MGST3: variants seen among roughly 807,000 people sequenced by gnomAD.
The protein encoded by MGST3 is glutathione S-transferase 3, mitochondrial.
A neutral mutation model predicts 15.8 loss-of-function variants in MGST3; 13 were observed. The observed-to-expected ratio is 0.82, with a 90% CI of 0.54 to 1.31. MGST3 has a LOEUF of 1.31. Among genes scored for constraint, MGST3 ranks in the 50% most tolerant of loss-of-function variants. The probability of loss-of-function intolerance (pLI) is 0.00; values close to 1 mark genes in which losing one functional copy is unlikely to be tolerated. For missense variants in MGST3, 155 were observed against 192.4 expected (o/e 0.81, Z 1.15); for synonymous variants, 49 against 68.1 (o/e 0.72, Z 1.38).
At chr1:165,633,333 A>G (rs922311246) in intron 1 of MGST3, among the ~76,000 whole-genome samples, 4 of 152,228 alleles carry the variant, frequency 2.6e-5, no homozygotes, top group African/African-American at 9.6e-5. Context: ...TAAGGATTTT[A>G]TCCTTTAGAA....
intron 1 of MGST3, among the ~76,000 whole-genome samples, chr1:165,635,094 C>T (rs1648071731): frequency 6.6e-6 from 1 of 152,042 alleles, no homozygotes; most frequent in Non-Finnish European, 1.5e-5. Context: ...TCCCCTCCCC[C>T]TCCACCCCGC....
rs80045216 is a variant in MGST3, at chr1:165,640,360, G to A, written c.-8+9067G>A. ...TCTCTGATCTCATCAGCCCCATTCT[G>A]TTTTCAGGGGTGGTACAGAAGGAGC... On this transcript the variant is annotated intron_variant, in intron 1 of 5. Coordinates refer to ENST00000367889, the MANE Select transcript of MGST3 (RefSeq NM_004528.4). 9.8e-3 allele frequency among the ~76,000 whole-genome samples: 1,486 copies of A among 152,128 alleles called. 52 individuals carry two copies. Among genetic ancestry groups the A allele is most frequent in the Admixed American group, 0.059 (899 of 15,270 alleles).
At chr1:165,654,502 G>T in intron 5 of MGST3, 151 bp downstream of exon 5, 1 of 733,420 alleles carries the variant, frequency 1.4e-6, no homozygotes, top group Non-Finnish European at 2.5e-6. Context: ...ACCAGCCTGG[G>T]CAACATGGTG....
At position 165,634,995 on chromosome 1, in the gene MGST3, C is replaced by T. The variant is rs1359211153; in HGVS notation, c.-8+3702C>T. On this transcript the variant is annotated intron_variant, in intron 1 of 5. Transcript: ENST00000367889. ...TCCCATTTAGGTAAAATGCTTTGTC[C>T]GACATTGAATTTATCATATCAGCTT... Among the ~76,000 whole-genome samples the T allele has an allele frequency of 4.6e-5, 7 of 151,560 alleles. No individual in the cohort carries two copies. In the East Asian group the frequency reaches 9.7e-4, roughly 21 times the overall value.
At chr1:165,655,202 T>C (rs1242614927) in intron 5 of MGST3, among the ~76,000 whole-genome samples, 166 bp from the exon 6 acceptor site, 4 of 152,250 alleles carry the variant, frequency 2.6e-5, no homozygotes, top group Non-Finnish European at 5.9e-5. Context: ...ACTTGGCATG[T>C]GGTATCTGAC....
At chr1:165,652,588 T>C (rs1557996337) in intron 4 of MGST3, among the ~76,000 whole-genome samples, 1 of 151,414 alleles carries the variant, frequency 6.6e-6, no homozygotes, top group African/African-American at 2.4e-5. Context: ...TTGAATAGGG[T>C]GGTCAGGGAG....
At chr1:165,635,050 AT>A (rs1378155738) in intron 1 of MGST3, among the ~76,000 whole-genome samples, 1 of 151,240 alleles carries the variant, frequency 6.6e-6, no homozygotes, top group African/African-American at 2.4e-5. Flanking sequence ...TGTTGTCTTT[AT>A]TTTTCCTTCT....
chr1:165,649,644 G>A, intron 1 of MGST3, 197 bp from the exon 2 acceptor site: 1 of 607,340 alleles, frequency 1.6e-6, no homozygotes, highest in Non-Finnish European at 2.9e-6. Flanking sequence ...TGTATAGACT[G>A]CATAGTTGAG....
intron 1 of MGST3, chr1:165,632,178 A>G (rs959188677): frequency 2.0e-6 from 3 of 1,499,524 alleles, no homozygotes; most frequent in Admixed American, 3.4e-5. Flanking sequence ...AAAAGCAGAT[A>G]CTAGGATGGG....
intron 1 of MGST3, among the ~76,000 whole-genome samples, chr1:165,637,811 A>G (rs1050785310): frequency 5.9e-5 from 9 of 152,218 alleles, no homozygotes; most frequent in African/African-American, 2.2e-4. Context: ...AGTTAGACCA[A>G]CACTGCCTCA....
intron 1 of MGST3, among the ~76,000 whole-genome samples, chr1:165,638,363 T>A (rs1274913230): frequency 1.3e-5 from 2 of 150,934 alleles, no homozygotes; most frequent in Non-Finnish European, 2.9e-5. Context: ...ACCTGTAATA[T>A]CAGCTACTTT....
intron 4 of MGST3, chr1:165,653,697 G>T (rs1648623372): frequency 6.4e-6 from 1 of 155,884 alleles, no homozygotes; most frequent in Non-Finnish European, 1.4e-5. Context: ...TCTTCTCAAG[G>T]ACATTGGGAA....
At chr1:165,649,012 G>A (rs1392653058) in intron 1 of MGST3, 1 of 152,318 alleles carries the variant, frequency 6.6e-6, no homozygotes, top group African/African-American at 2.4e-5. Context: ...CAATTACCAG[G>A]GATGGAAATT....
intron 1 of MGST3, among the ~76,000 whole-genome samples, chr1:165,632,437 T>TTCAG: frequency 6.6e-6 from 1 of 152,138 alleles, no homozygotes; most frequent in Non-Finnish European, 1.5e-5. Flanking sequence ...CAGGCTATAT[T>TTCAG]TTATTTCAGT....
Position 165,645,248 on chromosome 1 carries a change from TA to T in MGST3, c.-7-4592del, listed in dbSNP as rs1484833927. ...TTTTTAAAACTTTCTTTTTATTTCA[TA>T]GTTACTTTTTAAGCTTTTTTTGTTA... On this transcript the variant is annotated intron_variant, in intron 1 of 5. Transcript: ENST00000367889. 3.3e-5 allele frequency among the ~76,000 whole-genome samples: 5 copies of T among 152,358 alleles called. No homozygotes were observed. The East Asian group carries it at 9.6e-4, about 29-fold the overall frequency.
At position 165,651,017 on chromosome 1, in the gene MGST3, C is replaced by G. The variant is rs777621093; in HGVS notation, c.121C>G (p.Pro41Ala). The change falls in exon 3 of 6, where the codon CCT becomes GCT. Residue 41 changes from proline (P) to alanine (A), a missense_variant. Pro to Ala is a conservative substitution (Grantham distance 27). Coordinates refer to ENST00000367889, the MANE Select transcript of MGST3 (RefSeq NM_004528.4). ...KARKKYKVEY[P>A]IMYSTDPENG... ...AGTATGTGCTTTGTTGTGACAGTAT[C>G]CTATCATGTACAGCACGGACCCTGA... 4 of 1,614,090 alleles carry G rather than the reference C, an allele frequency of 2.5e-6. No individual in the cohort carries two copies. The Admixed American group carries it at 6.7e-5, about 27-fold the overall frequency.
chr1:165,641,135 ATCGTGCCACT>A, intron 1 of MGST3, among the ~76,000 whole-genome samples: 1 of 152,156 alleles, frequency 6.6e-6, no homozygotes. Flanking sequence ...GTGAGCCTAG[ATCGTGCCACT>A]TCACTCTAGC....
At chr1:165,634,554 G>A (rs2101712819) in intron 1 of MGST3, among the ~76,000 whole-genome samples, 1 of 152,070 alleles carries the variant, frequency 6.6e-6, no homozygotes, top group African/African-American at 2.4e-5. Flanking sequence ...CTTCATACAA[G>A]TCAAGCCTTT....
At chr1:165,649,738 A>G (rs1269782112) in intron 1 of MGST3, 103 bp from the exon 2 acceptor site, 6 of 1,418,152 alleles carry the variant, frequency 4.2e-6, no homozygotes, top group Admixed American at 1.7e-5. Flanking sequence ...TTTGGTCTCT[A>G]TTTACTCATT....
Sources: allele counts gnomAD v4.1 joint callset (sites outside exome capture counted in the v4.1 genomes callset), GRCh38; gene constraint gnomAD v4.1.1; transcripts MANE v1.5; gene names NCBI Gene and HGNC (gene_info 2026-07-23, HGNC 2026-07-21).